Variants in ANKRD31 observed in about 807,000 individuals in gnomAD.
ANKRD31 encodes ankyrin repeat domain-containing protein 31.
Under a neutral mutation model 186.0 loss-of-function variants are expected in ANKRD31, and 147 were observed. That is an observed-to-expected ratio of 0.79 (90% confidence interval 0.69 to 0.91). ANKRD31 has a LOEUF of 0.91. Ranked by LOEUF, ANKRD31 falls within the 40% of genes least tolerant of loss-of-function variation. ANKRD31 has a pLI of 0.00. For synonymous variants in ANKRD31, 673 were observed against 736.4 expected, an observed-to-expected ratio of 0.91 and a Z score of 1.39; for missense variants, 1,986 against 2,148.8, an observed-to-expected ratio of 0.92 and a Z score of 1.50.
intron 11 of ANKRD31, among the ~76,000 whole-genome samples, chr5:75,163,938 G>T (rs750187056): frequency 5.3e-5 from 8 of 152,180 alleles, no homozygotes; most frequent in Non-Finnish European, 8.8e-5. Context: ...TGCCTCCAAA[G>T]GTAGAGCCTA....
chr5:75,096,929 C>T lies in ANKRD31; in HGVS notation c.5332-5528G>A, dbSNP rs190619269. On this transcript the variant is annotated intron_variant, in intron 22 of 25. Coordinates refer to ENST00000506364, the MANE Select transcript of ANKRD31 (RefSeq NM_001372053.1). ...TGCAGCGTTCGGTTTTCTGTCCTTG[C>T]GATAATTTGCTGAGAATGATGGTAT... 2.7e-3 allele frequency among the ~76,000 whole-genome samples: 401 copies of T among 150,896 alleles called. 2 individuals carry two copies. The highest frequency in any genetic ancestry group is 7.6e-3 in the Admixed American group (114 of 14,952).
chr5:75,220,465 C>A (rs1757219342), intron 3 of ANKRD31, among the ~76,000 whole-genome samples: 1 of 151,952 alleles, frequency 6.6e-6, no homozygotes, highest in South Asian at 2.1e-4. Flanking sequence ...CACAGAGAAG[C>A]CCTGTCTCTA....
intron 17 of ANKRD31, among the ~76,000 whole-genome samples, chr5:75,119,351 A>G (rs1479379598): frequency 6.6e-6 from 1 of 152,092 alleles, no homozygotes; most frequent in Non-Finnish European, 1.5e-5. Context: ...GAACATGTGG[A>G]ATTTGATTTT....
intron 22 of ANKRD31, among the ~76,000 whole-genome samples, chr5:75,098,860 A>G (rs1223198925): frequency 6.6e-6 from 1 of 152,096 alleles, no homozygotes; most frequent in Non-Finnish European, 1.5e-5. Flanking sequence ...TAAATATACA[A>G]TCATGTCATC....
intron 3 of ANKRD31, 53 bp downstream of exon 3, chr5:75,222,196 C>A (rs759907030): frequency 1.3e-5 from 17 of 1,310,976 alleles, no homozygotes; most frequent in East Asian, 2.7e-5. Context: ...CCACTCTGAG[C>A]GATAGCATTT....
chr5:75,147,052 T>A lies in ANKRD31; in HGVS notation c.2359A>T (p.Thr787Ser), dbSNP rs1252811284. The change falls in exon 14 of 26, where the codon ACT becomes TCT. Residue 787 changes from threonine (T) to serine (S), a missense_variant. Transcript: ENST00000506364. ...AATCCATTTCTCAGGCTTGACAGAG[T>A]TAAGCTGGAAGGTTCACACAATTCT... ...PEELCEPSSLTLSSLRNGLDS... is the reference protein window; with the variant it reads ...PEELCEPSSLSLSSLRNGLDS... 2 of 1,536,308 alleles carry A rather than the reference T, an allele frequency of 1.3e-6. No individual in the cohort carries two copies. Among genetic ancestry groups the A allele is most frequent in the Admixed American group, 3.9e-5 (2 of 50,918 alleles).
chr5:75,169,239 T>G (rs199919657), intron 10 of ANKRD31, 118 bp from the exon 11 acceptor site: 2 of 1,216,196 alleles, frequency 1.6e-6, no homozygotes, highest in Non-Finnish European at 2.2e-6. Context: ...TTTGATTATA[T>G]GAGTCAAGAT....
intron 1 of ANKRD31, among the ~76,000 whole-genome samples, chr5:75,234,742 T>C (rs1397820153): frequency 1.3e-5 from 2 of 152,200 alleles, no homozygotes; most frequent in South Asian, 2.1e-4. Flanking sequence ...ATCTTGATAA[T>C]TGAAATTTTT....
intron 24 of ANKRD31, 133 bp from the exon 25 acceptor site, chr5:75,080,772 A>T: frequency 4.1e-6 from 2 of 481,988 alleles, no homozygotes; most frequent in Non-Finnish European, 7.1e-6. Context: ...GAGATGATTT[A>T]AAAAATAAAA....
intron 4 of ANKRD31, among the ~76,000 whole-genome samples, chr5:75,207,692 A>G (rs1176446271): frequency 1.3e-5 from 2 of 152,156 alleles, no homozygotes; most frequent in Non-Finnish European, 2.9e-5. Flanking sequence ...TTTTGTAGAA[A>G]GTATGAACAA....
intron 21 of ANKRD31, 33 bp from the exon 22 acceptor site, chr5:75,105,251 A>G (rs1269939270): frequency 3.5e-6 from 5 of 1,447,968 alleles, no homozygotes; most frequent in African/African-American, 1.4e-5. Flanking sequence ...AAAAAATGCA[A>G]TAACAGCAGA....
intron 11 of ANKRD31, among the ~76,000 whole-genome samples, chr5:75,157,084 G>C (rs1752231842): frequency 6.6e-6 from 1 of 152,184 alleles, no homozygotes; most frequent in African/African-American, 2.4e-5. Flanking sequence ...GGATGTTAAA[G>C]ATCCTACCAG....
At chr5:75,229,870 A>C (rs1220992040) in intron 2 of ANKRD31, among the ~76,000 whole-genome samples, 3 of 107,018 alleles carry the variant, frequency 2.8e-5, no homozygotes, top group African/African-American at 1.9e-4. Flanking sequence ...GTCTCAAAAA[A>C]AAAAAAAAAA....
intron 17 of ANKRD31, among the ~76,000 whole-genome samples, chr5:75,136,066 GA>G (rs1750549284): frequency 6.6e-6 from 1 of 152,158 alleles, no homozygotes. Flanking sequence ...AAAAACCGCA[GA>G]AAACCTAGGC....
Position 75,071,286 on chromosome 5 carries a change from T to A in ANKRD31, c.5648-2622A>T, listed in dbSNP as rs988416266. 1.2e-3 allele frequency among the ~76,000 whole-genome samples: 173 copies of A among 147,892 alleles called. 1 individual carries two copies. Among genetic ancestry groups the A allele is most frequent in the Non-Finnish European group, 2.2e-3 (146 of 67,226 alleles). On this transcript the variant is annotated intron_variant, in intron 25 of 25. Coordinates refer to ENST00000506364, the MANE Select transcript of ANKRD31 (RefSeq NM_001372053.1). ...AAATATTAAATATTTTAATAATATT[T>A]AATATTTTAATAATATTTAATATTT... is the stretch of plus-strand genomic sequence containing the variant.
chr5:75,184,882 C>A (rs1208622841), intron 10 of ANKRD31, among the ~76,000 whole-genome samples: 1 of 152,122 alleles, frequency 6.6e-6, no homozygotes. Flanking sequence ...GAAATGAAAT[C>A]AGTATGTCAA....
chr5:75,123,174 T>C (rs1330500885), intron 17 of ANKRD31, among the ~76,000 whole-genome samples: 5 of 150,850 alleles, frequency 3.3e-5, no homozygotes, highest in Non-Finnish European at 5.9e-5. Flanking sequence ...GAAAACCAAA[T>C]CAAGAAGGCA....
intron 10 of ANKRD31, among the ~76,000 whole-genome samples, chr5:75,180,477 C>G (rs993545484): frequency 3.9e-5 from 6 of 152,122 alleles, no homozygotes; most frequent in African/African-American, 1.2e-4. Flanking sequence ...TACCTGAGTT[C>G]AAAGTATACT....
At chr5:75,086,719 A>G (rs981402846) in intron 23 of ANKRD31, among the ~76,000 whole-genome samples, 2 of 152,200 alleles carry the variant, frequency 1.3e-5, no homozygotes, top group African/African-American at 4.8e-5. Context: ...TTGCTTTGCT[A>G]AAAGGTAGAA....
Sources: gnomAD v4.1 joint callset for allele counts (sites outside exome capture counted in the v4.1 genomes callset) on GRCh38, gnomAD v4.1.1 for gene constraint, MANE v1.5 for transcripts, NCBI Gene and HGNC (gene_info 2026-07-23, HGNC 2026-07-21) for gene names.